The following PDE8A variants were observed in gnomAD, a reference collection of about 807,000 sequenced individuals.
The protein encoded by PDE8A is phosphodiesterase 8A.
A neutral mutation model predicts 105.0 loss-of-function variants in PDE8A; 59 were observed. The observed-to-expected ratio is 0.56, with a 90% CI of 0.46 to 0.70. PDE8A has a LOEUF of 0.70. PDE8A is among the 30% of genes least tolerant of loss of function. The pLI, the probability that PDE8A is intolerant of heterozygous loss-of-function variation, is 0.00. For synonymous variants in PDE8A, 355 were observed against 371.9 expected, an observed-to-expected ratio of 0.95 and a Z score of 0.52; for missense variants, 1,014 against 1,045.9, an observed-to-expected ratio of 0.97 and a Z score of 0.42.
intron 7 of PDE8A, among the ~76,000 whole-genome samples, chr15:85,089,958 G>T (rs1358443245): frequency 6.6e-6 from 1 of 152,166 alleles, no homozygotes; most frequent in Non-Finnish European, 1.5e-5. Flanking sequence ...TCAGATAACA[G>T]CAAAAAAGGG....
chr15:85,001,167 C>T (rs1272379615), intron 1 of PDE8A, among the ~76,000 whole-genome samples: 1 of 152,132 alleles, frequency 6.6e-6, no homozygotes, highest in African/African-American at 2.4e-5. Context: ...CTCACATTTC[C>T]AGGGACTTGA....
At chr15:85,116,535 C>G (rs950626357) in intron 16 of PDE8A, among the ~76,000 whole-genome samples, 22 of 152,324 alleles carry the variant, frequency 1.4e-4, no homozygotes, top group African/African-American at 5.1e-4. Context: ...TAGGGACACC[C>G]AAAGCCCCAG....
intron 1 of PDE8A, among the ~76,000 whole-genome samples, chr15:84,991,987 AC>A (rs1464879555): frequency 2.6e-5 from 4 of 152,346 alleles, no homozygotes; most frequent in Non-Finnish European, 5.9e-5. Flanking sequence ...ATCTCTAACA[AC>A]AAAAAAAAGA....
At chr15:84,991,737 AG>A in intron 1 of PDE8A, among the ~76,000 whole-genome samples, 1 of 152,380 alleles carries the variant, frequency 6.6e-6, no homozygotes, top group South Asian at 2.1e-4. Context: ...GTTCAAAGAA[AG>A]GAATACTTCA....
Position 84,993,075 on chromosome 15 carries a change from C to A in PDE8A, c.186+10727C>A, listed in dbSNP as rs866651090. On this transcript the variant is annotated intron_variant, in intron 1 of 21. Coordinates refer to ENST00000394553, the MANE Select transcript of PDE8A (RefSeq NM_002605.3). ...TCTTGTCTTTTGGTTCTGAGTTCATCTTATAAAAATAAACTTTTACTTTTC... is the reference window on the plus strand; with the variant it reads ...TCTTGTCTTTTGGTTCTGAGTTCATATTATAAAAATAAACTTTTACTTTTC... Among the ~76,000 whole-genome samples, 4 of 152,310 alleles carry A rather than the reference C, an allele frequency of 2.6e-5. 1 individual carries two copies. In the Middle Eastern group the frequency reaches 0.014, roughly 518 times the overall value.
intron 1 of PDE8A, among the ~76,000 whole-genome samples, chr15:84,986,615 CTTTT>C (rs10714340): frequency 3.4e-5 from 5 of 145,874 alleles, no homozygotes; most frequent in Non-Finnish European, 7.5e-5. Context: ...TTAGTCAAAA[CTTTT>C]TTTTTTTTTT....
At chr15:85,112,264 T>C (rs775879353) in intron 12 of PDE8A, among the ~76,000 whole-genome samples, 1 of 152,230 alleles carries the variant, frequency 6.6e-6, no homozygotes, top group African/African-American at 2.4e-5. Flanking sequence ...TCAGGCTAAT[T>C]AACGTGTATT....
At chr15:85,053,694 T>A (rs961781012) in intron 1 of PDE8A, among the ~76,000 whole-genome samples, 12 of 152,266 alleles carry the variant, frequency 7.9e-5, no homozygotes, top group Non-Finnish European at 1.0e-4. Context: ...CTGAAGTTGC[T>A]TATCAGCTTA....
chr15:85,098,556 A>G (rs1338406915), intron 9 of PDE8A, among the ~76,000 whole-genome samples: 1 of 152,226 alleles, frequency 6.6e-6, no homozygotes, highest in African/African-American at 2.4e-5. Context: ...AAGAAATAAT[A>G]TGGTAAGATG....
chr15:85,054,364 C>G (rs887466232), intron 1 of PDE8A, among the ~76,000 whole-genome samples: 1 of 152,108 alleles, frequency 6.6e-6, no homozygotes, highest in South Asian at 2.1e-4. Context: ...CCCTCTTTTT[C>G]TATTGATCGG....
At chr15:85,077,261 C>G (rs928004602) in intron 5 of PDE8A, among the ~76,000 whole-genome samples, 2 of 152,092 alleles carry the variant, frequency 1.3e-5, no homozygotes, top group African/African-American at 2.4e-5. Flanking sequence ...ATAAGGCAGC[C>G]CAAACACAGC....
intron 12 of PDE8A, among the ~76,000 whole-genome samples, chr15:85,109,573 A>G (rs2081992722): frequency 6.6e-6 from 1 of 152,226 alleles, no homozygotes; most frequent in African/African-American, 2.4e-5. Flanking sequence ...TATACTTTTT[A>G]AAAAGAATAT....
At chr15:85,066,625 C>T (rs1282973270) in intron 2 of PDE8A, among the ~76,000 whole-genome samples, 1 of 102,310 alleles carries the variant, frequency 9.8e-6, no homozygotes, top group Non-Finnish European at 2.0e-5. Context: ...CACACACACA[C>T]ACACACACAC....
chr15:85,005,073 C>G (rs1055371645), intron 1 of PDE8A, among the ~76,000 whole-genome samples: 2 of 151,950 alleles, frequency 1.3e-5, no homozygotes, highest in Non-Finnish European at 2.9e-5. Context: ...TTACACATTG[C>G]AGTATGCATT....
At chr15:85,052,535 T>G (rs997000727) in intron 1 of PDE8A, among the ~76,000 whole-genome samples, 2 of 152,244 alleles carry the variant, frequency 1.3e-5, no homozygotes, top group Non-Finnish European at 2.9e-5. Flanking sequence ...TGAGATGGTA[T>G]CTCATTGTGG....
chr15:85,092,829 T>C (rs562001825), intron 8 of PDE8A, among the ~76,000 whole-genome samples: 40 of 152,258 alleles, frequency 2.6e-4, no homozygotes, highest in Admixed American at 1.2e-3. Flanking sequence ...CCCTCAAACT[T>C]GAATAGCAAG....
chr15:85,138,032 C>T lies in PDE8A; in HGVS notation c.*129C>T. 5 of 596,030 alleles carry T rather than the reference C, an allele frequency of 8.4e-6. No individual in the cohort carries two copies. The highest frequency in any genetic ancestry group is 6.0e-6 in the Non-Finnish European group (2 of 331,328). The allele number at this position is 596,030 out of a possible 1,614,324, so 36.9% of individuals were successfully genotyped here. A position where few individuals can be genotyped will look rare whatever the true frequency, so the allele number is the denominator to read the frequency against. ...CCCCGATCTGCATAGCCTGTGAAAG[C>T]CCACGGGGACATCAGTAACCTTCTG... On this transcript the variant is annotated 3_prime_UTR_variant, in exon 22 of 22. Coordinates refer to ENST00000394553, the MANE Select transcript of PDE8A (RefSeq NM_002605.3).
intron 1 of PDE8A, among the ~76,000 whole-genome samples, chr15:85,013,486 C>T (rs1002642554): frequency 2.0e-5 from 3 of 152,118 alleles, no homozygotes; most frequent in Non-Finnish European, 4.4e-5. Context: ...GCTCTTTCTT[C>T]CTCTCCTTCA....
At chr15:85,076,969 C>G (rs2081389240) in intron 5 of PDE8A, among the ~76,000 whole-genome samples, 182 bp downstream of exon 5, 1 of 151,834 alleles carries the variant, frequency 6.6e-6, no homozygotes, top group Non-Finnish European at 1.5e-5. Context: ...CCCCTTGGGC[C>G]CAGGAGTTCA....
Sources: allele counts gnomAD v4.1 joint callset (sites outside exome capture counted in the v4.1 genomes callset), GRCh38; gene constraint gnomAD v4.1.1; transcripts MANE v1.5; gene names NCBI Gene and HGNC (gene_info 2026-07-23, HGNC 2026-07-21).